LRRTM4: variants seen among roughly 807,000 people sequenced by gnomAD.
LRRTM4 encodes the protein leucine rich repeat transmembrane neuronal 4.
LRRTM4 carries 25 observed loss-of-function variants against 47.6 expected under a neutral mutation model. That is an observed-to-expected ratio of 0.53 (90% CI 0.38 to 0.73). LRRTM4 has a LOEUF of 0.73. LRRTM4 is among the 30% of genes least tolerant of loss of function. The pLI, the probability that LRRTM4 is intolerant of heterozygous loss-of-function variation, is 0.00. For synonymous variants in LRRTM4, 311 were observed against 269.5 expected, an observed-to-expected ratio of 1.15 and a Z score of -1.51; for missense variants, 638 against 713.4, an observed-to-expected ratio of 0.89 and a Z score of 1.20.
intron 3 of LRRTM4, among the ~76,000 whole-genome samples, chr2:76,799,483 A>G (rs1675538008): frequency 7.0e-6 from 1 of 142,172 alleles, no homozygotes; most frequent in African/African-American, 2.6e-5. Context: ...TGACAAACCC[A>G]CAGCTAATAT....
At chr2:77,000,432 G>A (rs922852991) in intron 3 of LRRTM4, among the ~76,000 whole-genome samples, 2 of 152,132 alleles carry the variant, frequency 1.3e-5, no homozygotes, top group African/African-American at 4.8e-5. Flanking sequence ...TTAGTAGAAA[G>A]GTAGAGCATT....
intron 3 of LRRTM4, among the ~76,000 whole-genome samples, chr2:77,078,291 C>T (rs185213040): frequency 1.3e-5 from 2 of 152,062 alleles, no homozygotes; most frequent in African/African-American, 4.8e-5. Flanking sequence ...TTGCTATTTT[C>T]TTTTCATACC....
At chr2:76,773,511 T>A (rs1673806243) in intron 3 of LRRTM4, among the ~76,000 whole-genome samples, 1 of 152,184 alleles carries the variant, frequency 6.6e-6, no homozygotes, top group Non-Finnish European at 1.5e-5. Context: ...CATTTTTCAT[T>A]ATGATTTCAT....
chr2:77,124,113 T>C (rs1375714308), intron 3 of LRRTM4, among the ~76,000 whole-genome samples: 1 of 151,778 alleles, frequency 6.6e-6, no homozygotes, highest in Non-Finnish European at 1.5e-5. Flanking sequence ...TCAAGGAAAA[T>C]AAAGCCATAG....
chr2:77,371,382 T>G (rs762407081), intron 3 of LRRTM4, among the ~76,000 whole-genome samples: 1 of 151,772 alleles, frequency 6.6e-6, no homozygotes, highest in Non-Finnish European at 1.5e-5. Flanking sequence ...CTGTCTTTTG[T>G]CAGCTACTTT....
At chr2:77,165,390 G>GGA (rs1468615739) in intron 3 of LRRTM4, among the ~76,000 whole-genome samples, 2 of 151,890 alleles carry the variant, frequency 1.3e-5, no homozygotes, top group African/African-American at 4.8e-5. Flanking sequence ...GGTACAAAGA[G>GGA]GAGCTGGTGC....
chr2:77,266,857 T>C (rs1326570215), intron 3 of LRRTM4, among the ~76,000 whole-genome samples: 1 of 152,068 alleles, frequency 6.6e-6, no homozygotes, highest in Non-Finnish European at 1.5e-5. Flanking sequence ...CACAGAGACC[T>C]TTCCCTCTTC....
chr2:77,519,852 A>T lies in LRRTM4; in HGVS notation c.17T>A (p.Ile6Asn). Reference sequence around the variant, plus strand: ...CACACTCATGCCTTTCAGCTGCGTAATTAAATGGAAACCTACGATATTAAA... The same window carrying T: ...CACACTCATGCCTTTCAGCTGCGTATTTAAATGGAAACCTACGATATTAAA... MGFHL[I>N]TQLKGMSVVL... Residue 6 changes from isoleucine to asparagine, a missense_variant, in exon 3 of 4, where the codon ATT becomes AAT. By Grantham distance (149) the Ile-to-Asn change is moderately radical (BLOSUM62 -3). Coordinates refer to ENST00000409884, the MANE Select transcript of LRRTM4 (RefSeq NM_001134745.3). The surrounding 1 kb of genome is among the most constrained non-coding windows in gnomAD (Gnocchi z 4.6). 6.3e-7 allele frequency: 1 copy of T among 1,597,744 alleles called. No homozygotes were observed. Among genetic ancestry groups the T allele is most frequent in the South Asian group, 1.1e-5 (1 of 89,316 alleles).
rs549923029 is a variant in LRRTM4, at chr2:77,084,250, TAG to T, written c.1552-335336_1552-335335del. ...TCTTTCGCTCATCTTCAAGTAGTCT[TAG>T]ATTCCGACACTTGTAATATGGGATG... On this transcript the variant is annotated intron_variant, in intron 3 of 3. Coordinates refer to ENST00000409884, the MANE Select transcript of LRRTM4 (RefSeq NM_001134745.3). Among the ~76,000 whole-genome samples the T allele has an allele frequency of 8.5e-5, 13 of 152,306 alleles. No homozygotes were observed. The East Asian group carries it at 2.5e-3, about 29-fold the overall frequency.
intron 3 of LRRTM4, among the ~76,000 whole-genome samples, chr2:77,264,346 A>G (rs1211374569): frequency 2.0e-5 from 3 of 147,510 alleles, no homozygotes; most frequent in African/African-American, 8.1e-5. Flanking sequence ...GAGAGAAAGT[A>G]CAACCATGCA....
chr2:76,963,916 T>C (rs944686648), intron 3 of LRRTM4, among the ~76,000 whole-genome samples: 2 of 150,790 alleles, frequency 1.3e-5, no homozygotes, highest in Admixed American at 6.6e-5. Flanking sequence ...TTTCTGAAAG[T>C]ATATTACACA....
chr2:77,313,509 G>A (rs1677532461), intron 3 of LRRTM4, among the ~76,000 whole-genome samples: 1 of 151,024 alleles, frequency 6.6e-6, no homozygotes. Context: ...GTGTTGTGAT[G>A]TTCCTCCCTA....
At chr2:76,842,142 G>A (rs1308739903) in intron 3 of LRRTM4, among the ~76,000 whole-genome samples, 3 of 152,124 alleles carry the variant, frequency 2.0e-5, no homozygotes, top group Admixed American at 6.6e-5. Flanking sequence ...CAAATCAGCC[G>A]AGGGCCTGAA....
intron 3 of LRRTM4, among the ~76,000 whole-genome samples, chr2:77,381,085 T>C (rs1188526919): frequency 6.6e-6 from 1 of 152,090 alleles, no homozygotes; most frequent in Non-Finnish European, 1.5e-5. Flanking sequence ...ATTATCCATA[T>C]GATAGCATAA....
intron 3 of LRRTM4, among the ~76,000 whole-genome samples, chr2:76,781,648 A>ACTGT (rs1249160135): frequency 1.3e-5 from 2 of 152,180 alleles, no homozygotes; most frequent in African/African-American, 2.4e-5. Flanking sequence ...ACCTGCGCCC[A>ACTGT]CTGTCTGGCA....
intron 3 of LRRTM4, among the ~76,000 whole-genome samples, chr2:77,362,157 G>GA (rs1261931774): frequency 6.6e-6 from 1 of 151,378 alleles, no homozygotes; most frequent in Non-Finnish European, 1.5e-5. Context: ...AAGAAAGAAA[G>GA]AAAGAAAGAA....
At chr2:77,350,257 C>T (rs1467368385) in intron 3 of LRRTM4, among the ~76,000 whole-genome samples, 2 of 127,872 alleles carry the variant, frequency 1.6e-5, no homozygotes, top group African/African-American at 2.9e-5. Flanking sequence ...ACCCGGGAAG[C>T]GGAGCTTGCA....
chr2:77,072,066 CATT>C (rs1481428243), intron 3 of LRRTM4, among the ~76,000 whole-genome samples: 2 of 152,092 alleles, frequency 1.3e-5, no homozygotes, highest in African/African-American at 4.8e-5. Context: ...TGAAAATATA[CATT>C]ATTAATACAT....
In LRRTM4 at chr2:77,519,243, T is replaced by A; in HGVS notation, c.626A>T (p.Glu209Val). 6.2e-7 allele frequency: 1 copy of A among 1,613,318 alleles called. No homozygotes were observed. The highest frequency in any genetic ancestry group is 2.2e-5 in the East Asian group (1 of 44,826). Residue 209 changes from glutamate to valine, a missense_variant, in exon 3 of 4, where the codon GAG (glutamate) becomes GTG (valine). Coordinates refer to ENST00000409884, the MANE Select transcript of LRRTM4 (RefSeq NM_001134745.3). This position sits in a 1 kb window ranked among gnomAD's most constrained non-coding sequence, Gnocchi z 4.6. ...AAACTGGTTGTGCTCCAGGTGGAGCTCCTTTAACTTCAAGAGGCCAGCAAA... is the reference window on the plus strand; with the variant it reads ...AAACTGGTTGTGCTCCAGGTGGAGCACCTTTAACTTCAAGAGGCCAGCAAA... ...NAFAGLLKLK[E>V]LHLEHNQFSK...
Sources: allele counts gnomAD v4.1 joint callset (sites outside exome capture counted in the v4.1 genomes callset), GRCh38; gene constraint gnomAD v4.1.1; non-coding constraint Gnocchi (gnomAD v3.1); transcripts MANE v1.5; gene names NCBI Gene and HGNC (gene_info 2026-07-23, HGNC 2026-07-21).